The following FAF1 variants were observed in gnomAD, a reference collection of about 807,000 sequenced individuals.
FAF1 encodes FAS-associated factor 1.
In FAF1, 25 loss-of-function variants were observed where a neutral mutation model predicts 92.5. That is an observed-to-expected ratio of 0.27 (90% confidence interval 0.20 to 0.38). The LOEUF is 0.38. Among genes scored for constraint, FAF1 ranks in the 10% least tolerant of loss-of-function variants. The pLI is 1.00. For synonymous variants in FAF1, 234 were observed against 273.2 expected, an observed-to-expected ratio of 0.86 and a Z score of 1.42; for missense variants, 636 against 793.3, an observed-to-expected ratio of 0.80 and a Z score of 2.38.
At chr1:50,766,047 G>A (rs533634572) in intron 4 of FAF1, among the ~76,000 whole-genome samples, 28 of 152,168 alleles carry the variant, frequency 1.8e-4, no homozygotes, top group African/African-American at 5.8e-4. Context: ...AGCCGAGATC[G>A]CGCCATTGCA....
chr1:50,886,292 T>C (rs1431533339), intron 1 of FAF1, among the ~76,000 whole-genome samples: 1 of 152,212 alleles, frequency 6.6e-6, no homozygotes, highest in Non-Finnish European at 1.5e-5. Context: ...TCCCTCCGCT[T>C]TTCTTTGGGA....
rs147413451 is a variant in FAF1, at chr1:50,782,862, C to T, written c.367+5138G>A. ...TCTTCACATTCACTCACTGCTCACT[C>T]ATTGAGAGCAACTTCCAGTACTGCA... is the stretch of plus-strand genomic sequence containing the variant. On this transcript the variant is annotated intron_variant, in intron 4 of 18. Coordinates refer to ENST00000396153, the MANE Select transcript of FAF1 (RefSeq NM_007051.3). 5.6e-3 allele frequency among the ~76,000 whole-genome samples: 846 copies of T among 152,094 alleles called. 6 individuals carry two copies. Among genetic ancestry groups the T allele is most frequent in the South Asian group, 1.0e-2 (48 of 4,818 alleles).
chr1:50,542,751 T>C (rs959319707), intron 13 of FAF1, among the ~76,000 whole-genome samples: 2 of 152,132 alleles, frequency 1.3e-5, no homozygotes, highest in African/African-American at 2.4e-5. Flanking sequence ...TCTGAATAAA[T>C]TGAACAGCCT....
intron 1 of FAF1, among the ~76,000 whole-genome samples, chr1:50,936,383 A>T (rs531360943): frequency 6.6e-6 from 1 of 152,338 alleles, no homozygotes; most frequent in African/African-American, 2.4e-5. Context: ...GGGAGTAAGT[A>T]ACTGTCAGAG....
rs541463189 is a variant in FAF1 at position 50,695,800 on chromosome 1, G to A, written c.657+9986C>T. 7.2e-5 allele frequency among the ~76,000 whole-genome samples: 11 copies of A among 151,932 alleles called. No homozygotes were observed. The South Asian group carries it at 1.5e-3, about 20-fold the overall frequency. ...AGTAGCTGGGATTACAGGAACCCAC[G>A]ACCACACCTGGCTAATTTTTGTACT... On this transcript the variant is annotated intron_variant, in intron 7 of 18. Transcript: ENST00000396153.
chr1:50,590,479 G>A (rs972275770), intron 9 of FAF1, among the ~76,000 whole-genome samples: 1 of 152,116 alleles, frequency 6.6e-6, no homozygotes, highest in African/African-American at 2.4e-5. Flanking sequence ...AGTGATTTTT[G>A]TGTGTTGACT....
chr1:50,724,304 C>CACACACAT (rs769148146), intron 6 of FAF1, among the ~76,000 whole-genome samples: 8,215 of 138,298 alleles, frequency 0.059, 306 homozygotes, highest in African/African-American at 0.12. Flanking sequence ...CATACACACA[C>CACACACAT]ACACACACAC....
At chr1:50,790,721 C>A (rs1197835769) in intron 3 of FAF1, among the ~76,000 whole-genome samples, 2 of 151,892 alleles carry the variant, frequency 1.3e-5, no homozygotes, top group Non-Finnish European at 2.9e-5. Flanking sequence ...TCTAAAACAT[C>A]TTTCCTCTCA....
chr1:50,849,734 T>TA (rs928965041), intron 2 of FAF1, among the ~76,000 whole-genome samples: 4 of 151,818 alleles, frequency 2.6e-5, no homozygotes, highest in Non-Finnish European at 4.4e-5. Flanking sequence ...AATATCCTTG[T>TA]AAAAAAAAGA....
intron 1 of FAF1, among the ~76,000 whole-genome samples, chr1:50,900,516 C>T (rs1644787896): frequency 3.9e-5 from 6 of 152,074 alleles, no homozygotes; most frequent in Admixed American, 2.6e-4. Flanking sequence ...GCTTTGGAGT[C>T]AGACCAGTCT....
At chr1:50,608,142 A>G (rs1258811497) in intron 8 of FAF1, among the ~76,000 whole-genome samples, 1 of 152,224 alleles carries the variant, frequency 6.6e-6, no homozygotes, top group Non-Finnish European at 1.5e-5. Context: ...AGGGGTGGTT[A>G]TGCAGAAATT....
At chr1:50,686,461 G>T (rs186981482) in intron 7 of FAF1, among the ~76,000 whole-genome samples, 24 of 152,220 alleles carry the variant, frequency 1.6e-4, no homozygotes, top group African/African-American at 5.8e-4. Context: ...AGAATCACTT[G>T]AACCTGGGAG....
At chr1:50,853,402 G>A (rs140817113) in intron 2 of FAF1, among the ~76,000 whole-genome samples, 4 of 152,066 alleles carry the variant, frequency 2.6e-5, no homozygotes, top group Admixed American at 1.3e-4. Flanking sequence ...AATTATCTTC[G>A]AGGACTAAAA....
intron 7 of FAF1, among the ~76,000 whole-genome samples, chr1:50,701,746 C>A (rs1657482737): frequency 6.6e-6 from 1 of 151,996 alleles, no homozygotes; most frequent in African/African-American, 2.4e-5. Flanking sequence ...GAGACTTATT[C>A]AACTCTATTG....
At chr1:50,472,725 T>C (rs1343123772) in intron 18 of FAF1, among the ~76,000 whole-genome samples, 5 of 152,170 alleles carry the variant, frequency 3.3e-5, no homozygotes, top group Non-Finnish European at 2.9e-5. Context: ...TTAAGGCTTA[T>C]ATTATTTGTT....
chr1:50,829,682 A>C (rs977346824), intron 2 of FAF1, among the ~76,000 whole-genome samples: 1 of 152,232 alleles, frequency 6.6e-6, no homozygotes, highest in African/African-American at 2.4e-5. Context: ...CAGGAAAACA[A>C]GAAACTACCT....
intron 2 of FAF1, among the ~76,000 whole-genome samples, chr1:50,813,879 C>T (rs569924532): frequency 6.6e-6 from 1 of 151,952 alleles, no homozygotes; most frequent in South Asian, 2.1e-4. Context: ...ACATATGCTC[C>T]AAAGATTCAT....
At chr1:50,744,060 G>C (rs974261123) in intron 5 of FAF1, among the ~76,000 whole-genome samples, 4 of 151,778 alleles carry the variant, frequency 2.6e-5, no homozygotes, top group Admixed American at 2.6e-4. Flanking sequence ...AACAGAGCGA[G>C]ACTGTCTCAA....
At chr1:50,741,690 C>T (rs964845447) in intron 5 of FAF1, among the ~76,000 whole-genome samples, 1 of 152,052 alleles carries the variant, frequency 6.6e-6, no homozygotes, top group Non-Finnish European at 1.5e-5. Flanking sequence ...TTTTAAAGAT[C>T]GAATCTACAG....
Sources: gnomAD v4.1 joint callset for allele counts (sites outside exome capture counted in the v4.1 genomes callset) on GRCh38, gnomAD v4.1.1 for gene constraint, MANE v1.5 for transcripts, NCBI Gene and HGNC (gene_info 2026-07-23, HGNC 2026-07-21) for gene names.